Variants in PPM1L observed in about 807,000 individuals in gnomAD.
PPM1L encodes the protein protein phosphatase 1L.
PPM1L carries 13 observed loss-of-function variants against 31.4 expected under a neutral mutation model. The observed-to-expected ratio is 0.41, with a 90% CI of 0.27 to 0.66. The LOEUF (loss-of-function observed/expected upper bound fraction) is 0.66, where lower values mean the gene tolerates loss of function less well. Ranked by LOEUF, PPM1L falls within the 30% of genes least tolerant of loss-of-function variation. PPM1L has a pLI of 0.29. For synonymous variants in PPM1L, 184 were observed against 175.4 expected (o/e 1.05, Z -0.39); for missense variants, 326 against 453.7 (o/e 0.72, Z 2.56).
In PPM1L at chr3:161,076,355, T is replaced by C. The variant is rs528739512; in HGVS notation, c.*7198T>C. 18 of 152,342 alleles carry C rather than the reference T, an allele frequency of 1.2e-4. No individual in the cohort carries two copies. Among genetic ancestry groups the C allele is most frequent in the African/African-American group, 4.3e-4 (18 of 41,586 alleles). The allele number at this position is 152,342 out of a possible 1,614,324, so 9.4% of individuals were successfully genotyped here. A position where few individuals can be genotyped will look rare whatever the true frequency, so the allele number is the denominator to read the frequency against. On this transcript the variant is annotated 3_prime_UTR_variant, in exon 4 of 4. Coordinates refer to ENST00000498165, the MANE Select transcript of PPM1L (RefSeq NM_139245.4). The stretch of plus-strand genomic sequence containing the variant: ...ACATTAAGCAAGAATACTCCTCTGA[T>C]TTAGGCTCCCAGACTACAACTAACA...
intron 1 of PPM1L, among the ~76,000 whole-genome samples, chr3:160,804,387 A>C (rs1712534397): frequency 6.6e-6 from 1 of 152,360 alleles, no homozygotes; most frequent in South Asian, 2.1e-4. Flanking sequence ...AATGCCTCAG[A>C]GAATCCCATT....
chr3:160,929,456 A>G (rs1714711670), intron 1 of PPM1L, among the ~76,000 whole-genome samples: 1 of 152,150 alleles, frequency 6.6e-6, no homozygotes, highest in Non-Finnish European at 1.5e-5. Flanking sequence ...CTGATCCTGC[A>G]GGGTCTAAGC....
Position 160,756,494 on chromosome 3 carries a change from G to A in PPM1L, c.186G>A (p.Lys62=). The A allele has an allele frequency of 6.2e-7, 1 of 1,614,202 alleles. No homozygotes were observed. Among genetic ancestry groups the A allele is most frequent in the Non-Finnish European group, 8.5e-7 (1 of 1,180,040 alleles). ...ACGCCGTGAAGATGGTGAAGGGCAA[G>A]GTAGCCGAGATCATGCAGAACGATC... ...SRDAVKMVKG[K]VAEIMQNDRL... Residue 62 remains lysine (K), a synonymous_variant, in exon 1 of 4, where the codon AAG becomes AAA. Coordinates refer to ENST00000498165, the MANE Select transcript of PPM1L (RefSeq NM_139245.4). The surrounding 1 kb of genome is among the most constrained non-coding windows in gnomAD (Gnocchi z 6.2).
intron 1 of PPM1L, among the ~76,000 whole-genome samples, chr3:160,940,433 G>A (rs1006957835): frequency 1.3e-5 from 2 of 152,178 alleles, no homozygotes; most frequent in South Asian, 4.1e-4. Flanking sequence ...CAGGCCTGGA[G>A]GCCCGGGAGG....
intron 1 of PPM1L, among the ~76,000 whole-genome samples, chr3:160,960,672 C>CT (rs1383788749): frequency 1.3e-5 from 2 of 151,012 alleles, no homozygotes; most frequent in African/African-American, 4.9e-5. Flanking sequence ...ATTTATTAAC[C>CT]TTAGACACTA....
At chr3:160,863,737 C>A (rs931015035) in intron 1 of PPM1L, among the ~76,000 whole-genome samples, 6 of 152,150 alleles carry the variant, frequency 3.9e-5, no homozygotes, top group African/African-American at 1.4e-4. Context: ...ACACAAATAG[C>A]CTAGTTCTTC....
intron 1 of PPM1L, among the ~76,000 whole-genome samples, chr3:160,860,792 T>G (rs1227191052): frequency 1.3e-5 from 2 of 152,148 alleles, no homozygotes; most frequent in East Asian, 1.9e-4. Flanking sequence ...TCTTCCTACT[T>G]TGCAGGTGGC....
chr3:160,952,526 T>C lies in PPM1L; in HGVS notation c.400-9210T>C, dbSNP rs544806419. ...GTGACCATTTCCCTAAATTCAGCCCTTTTTCTACTCAGTATTTGCAGAATT... is the reference window on the plus strand; with the variant it reads ...GTGACCATTTCCCTAAATTCAGCCCCTTTTCTACTCAGTATTTGCAGAATT... On this transcript the variant is annotated intron_variant, in intron 1 of 3. Coordinates refer to ENST00000498165, the MANE Select transcript of PPM1L (RefSeq NM_139245.4). Among the ~76,000 whole-genome samples, 7 of 152,318 alleles carry C rather than the reference T, an allele frequency of 4.6e-5. No homozygotes were observed. The South Asian group carries it at 1.0e-3, about 23-fold the overall frequency.
intron 2 of PPM1L, among the ~76,000 whole-genome samples, chr3:161,048,049 A>G (rs1048059265): frequency 1.3e-5 from 2 of 152,224 alleles, no homozygotes; most frequent in Admixed American, 1.3e-4. Flanking sequence ...TGACTAAAAC[A>G]CCAAATGCAA....
rs745978148 is a variant in PPM1L, at chr3:160,771,543, C to CTTTTTT, written c.399+14858_399+14863dup. Among the ~76,000 whole-genome samples the CTTTTTT allele has an allele frequency of 3.1e-4, 24 of 77,380 alleles. 2 individuals carry two copies. Among genetic ancestry groups the CTTTTTT allele is most frequent in the African/African-American group, 4.6e-4 (10 of 21,596 alleles). 50.8% of individuals were successfully genotyped at this position (77,380 alleles called of 152,430 possible). A position where few individuals can be genotyped will look rare whatever the true frequency, so the allele number is the denominator to read the frequency against. ...TAGTCACGAGCCACCAAGGCTGGCTCTTTTTTTTTTTTTTTTTTTTTTTTT... is the reference window on the plus strand; with the variant it reads ...TAGTCACGAGCCACCAAGGCTGGCTCTTTTTTTTTTTTTTTTTTTTTTTTTTTTTTT... On this transcript the variant is annotated intron_variant, in intron 1 of 3. Transcript: ENST00000498165.
intron 1 of PPM1L, among the ~76,000 whole-genome samples, chr3:160,917,416 T>C (rs761447842): frequency 4.7e-4 from 71 of 151,298 alleles, no homozygotes; most frequent in Non-Finnish European, 7.6e-4. Context: ...AGGACTTGCA[T>C]TTCTGGCCTT....
At chr3:161,029,373 G>T (rs1442942716) in intron 2 of PPM1L, among the ~76,000 whole-genome samples, 1 of 152,180 alleles carries the variant, frequency 6.6e-6, no homozygotes, top group Non-Finnish European at 1.5e-5. Context: ...CCATCTCATT[G>T]CAAGTTCATA....
intron 2 of PPM1L, among the ~76,000 whole-genome samples, chr3:160,964,126 T>C (rs1185860453): frequency 1.3e-5 from 2 of 152,058 alleles, no homozygotes; most frequent in Non-Finnish European, 2.9e-5. Context: ...AGAACAGATT[T>C]GGACCTTGTC....
Position 160,939,056 on chromosome 3 carries a change from TG to T in PPM1L, c.400-22679del, listed in dbSNP as rs571305283. Among the ~76,000 whole-genome samples the T allele has an allele frequency of 1.1e-3, 168 of 152,314 alleles. 1 individual carries two copies. Among genetic ancestry groups the T allele is most frequent in the Non-Finnish European group, 1.9e-3 (126 of 68,038 alleles). ...TAGCACATATGTTTGAGAGTCATAA[TG>T]AGGAATAAATAAGATAATGCATTTA... On this transcript the variant is annotated intron_variant, in intron 1 of 3. Transcript: ENST00000498165.
At chr3:160,962,483 T>G (rs955252364) in intron 2 of PPM1L, among the ~76,000 whole-genome samples, 2 of 152,064 alleles carry the variant, frequency 1.3e-5, no homozygotes, top group African/African-American at 4.8e-5. Context: ...AGACCCAATT[T>G]TAATGAAATT....
intron 1 of PPM1L, among the ~76,000 whole-genome samples, chr3:160,759,848 G>A (rs1714922108): frequency 6.6e-6 from 1 of 152,210 alleles, no homozygotes; most frequent in African/African-American, 2.4e-5. Context: ...CATTGGACAA[G>A]TTGCTGAAAC....
chr3:160,884,362 C>G lies in PPM1L; in HGVS notation c.400-77374C>G, dbSNP rs115759715. On this transcript the variant is annotated intron_variant, in intron 1 of 3. Transcript: ENST00000498165. ...AGACTTGTTAGTGGAGAGTGCATTC[C>G]AGGTATTAATAGATCAAGAAGCAAG... 8.4e-4 allele frequency among the ~76,000 whole-genome samples: 127 copies of G among 152,072 alleles called. 2 individuals carry two copies. Among genetic ancestry groups the G allele is most frequent in the African/African-American group, 2.6e-3 (108 of 41,478 alleles).
intron 1 of PPM1L, among the ~76,000 whole-genome samples, chr3:160,936,082 A>G (rs1483551542): frequency 2.6e-5 from 4 of 152,162 alleles, no homozygotes; most frequent in Non-Finnish European, 5.9e-5. Flanking sequence ...TCTTCTGTTA[A>G]CAATTATAAG....
At chr3:160,940,891 C>T (rs1452852778) in intron 1 of PPM1L, among the ~76,000 whole-genome samples, 1 of 152,126 alleles carries the variant, frequency 6.6e-6, no homozygotes, top group African/African-American at 2.4e-5. Context: ...GAACTGTGGG[C>T]CTGGAAAAGC....
Sources: gnomAD v4.1 joint callset for allele counts (sites outside exome capture counted in the v4.1 genomes callset) on GRCh38, gnomAD v4.1.1 for gene constraint, Gnocchi (gnomAD v3.1) non-coding constraint, MANE v1.5 for transcripts, NCBI Gene and HGNC (gene_info 2026-07-23, HGNC 2026-07-21) for gene names.